NXPE2: variants seen among roughly 807,000 people sequenced by gnomAD.
The protein encoded by NXPE2 is neurexophilin and PC-esterase domain family member 2, also known as NXPE family member 2.
A neutral mutation model predicts 34.4 loss-of-function variants in NXPE2; 34 were observed. The observed-to-expected ratio is 0.99, with a 90% CI of 0.75 to 1.31. The LOEUF (loss-of-function observed/expected upper bound fraction) is 1.31. Ranked by LOEUF, NXPE2 falls within the 40% of genes most tolerant of loss-of-function variation. The pLI is 0.00. For synonymous variants in NXPE2, 235 were observed against 231.3 expected, an observed-to-expected ratio of 1.02 and a Z score of -0.15; for missense variants, 649 against 672.5, an observed-to-expected ratio of 0.97 and a Z score of 0.39.
the NXPE2 span, chr11:114,594,820 A>C: frequency 1.1e-6 from 1 of 939,496 alleles, no homozygotes; most frequent in Non-Finnish European, 1.7e-6. Context: ...CAAAACAGAA[A>C]AGCAAACAAA....
the NXPE2 span, among the ~76,000 whole-genome samples, chr11:114,467,242 A>G: frequency 6.6e-6 from 1 of 152,178 alleles, no homozygotes; most frequent in African/African-American, 2.4e-5. Flanking sequence ...GTATTTTTAT[A>G]CTGTGGTGGT....
At chr11:114,528,865 CT>C in the NXPE2 span, 1 of 647,432 alleles carries the variant, frequency 1.5e-6, no homozygotes. Context: ...TGTTTTCATC[CT>C]TACTAGGATT....
At chr11:114,475,337 G>A in the NXPE2 span, among the ~76,000 whole-genome samples, 7 of 139,174 alleles carry the variant, frequency 5.0e-5, no homozygotes, top group East Asian at 2.3e-4. Context: ...TCCGCCTCCC[G>A]GGTTCAAGTG....
the NXPE2 span, among the ~76,000 whole-genome samples, chr11:114,495,282 C>T: frequency 6.6e-6 from 1 of 151,984 alleles, no homozygotes; most frequent in Admixed American, 6.5e-5. Flanking sequence ...TCCAGCCAGG[C>T]TTACGTCCTT....
At chr11:114,639,489 T>C in the NXPE2 span, among the ~76,000 whole-genome samples, 9 of 151,588 alleles carry the variant, frequency 5.9e-5, no homozygotes, top group African/African-American at 1.9e-4. Flanking sequence ...CTGTGCCCAC[T>C]GTCTGGCACT....
chr11:114,632,197 T>G, the NXPE2 span, among the ~76,000 whole-genome samples: 1 of 141,786 alleles, frequency 7.1e-6, no homozygotes, highest in East Asian at 2.0e-4. Context: ...AATGATCATA[T>G]ATACATATTA....
the NXPE2 span, among the ~76,000 whole-genome samples, chr11:114,509,068 C>T: frequency 1.3e-5 from 2 of 152,090 alleles, no homozygotes; most frequent in African/African-American, 2.4e-5. Flanking sequence ...AAGAAAAAAT[C>T]AACCCCATTA....
chr11:114,755,358 T>C, the NXPE2 span, among the ~76,000 whole-genome samples: 1 of 152,228 alleles, frequency 6.6e-6, no homozygotes, highest in Non-Finnish European at 1.5e-5. Flanking sequence ...CTTCCACTGA[T>C]ATTTTTTCTT....
the NXPE2 span, among the ~76,000 whole-genome samples, chr11:114,536,064 G>T: frequency 6.6e-6 from 1 of 152,178 alleles, no homozygotes; most frequent in East Asian, 1.9e-4. Flanking sequence ...TAAAAGAACA[G>T]AAATTATAAC....
upstream of NXPE2, among the ~76,000 whole-genome samples, chr11:114,676,134 G>A (rs1950855750): frequency 6.6e-6 from 1 of 151,920 alleles, no homozygotes; most frequent in Non-Finnish European, 1.5e-5. Context: ...CATAGGACCT[G>A]AAACTGTAAA....
the NXPE2 span, among the ~76,000 whole-genome samples, chr11:114,722,136 G>A: frequency 2.0e-5 from 3 of 152,140 alleles, no homozygotes; most frequent in Non-Finnish European, 2.9e-5. Context: ...GTTTGACTCT[G>A]TGTCCCCACC....
At chr11:114,805,701 T>C in the NXPE2 span, among the ~76,000 whole-genome samples, 11 of 152,166 alleles carry the variant, frequency 7.2e-5, no homozygotes, top group African/African-American at 2.7e-4. Flanking sequence ...GCCGGGAAGC[T>C]TGAACTGGGT....
chr11:114,513,159 A>G, the NXPE2 span: 1 of 553,738 alleles, frequency 1.8e-6, no homozygotes, highest in Non-Finnish European at 3.6e-6. Context: ...TCCCTGCCAT[A>G]TTGCTTCCTA....
the NXPE2 span, among the ~76,000 whole-genome samples, chr11:114,756,115 T>A: frequency 1.3e-5 from 2 of 152,250 alleles, no homozygotes; most frequent in Non-Finnish European, 2.9e-5. Context: ...GATAGTTACC[T>A]CTTTCTTCCT....
the NXPE2 span, among the ~76,000 whole-genome samples, chr11:114,621,024 C>T: frequency 6.6e-6 from 1 of 152,308 alleles, no homozygotes; most frequent in East Asian, 1.9e-4. Context: ...TGGTTGACCA[C>T]TGTTACGCAG....
the NXPE2 span, among the ~76,000 whole-genome samples, chr11:114,547,420 G>T: frequency 1.3e-5 from 2 of 152,192 alleles, no homozygotes; most frequent in African/African-American, 4.8e-5. Context: ...AACAAGGAAA[G>T]TCTAAAGAGA....
chr11:114,723,291 C>T, the NXPE2 span, among the ~76,000 whole-genome samples: 726 of 151,024 alleles, frequency 4.8e-3, 4 homozygotes, highest in African/African-American at 0.016. Flanking sequence ...GAAAAATTTA[C>T]AAGGAAAGAG....
the NXPE2 span, among the ~76,000 whole-genome samples, chr11:114,638,511 A>G: frequency 1.3e-5 from 2 of 152,020 alleles, no homozygotes; most frequent in African/African-American, 2.4e-5. Context: ...CTGGTGAGGA[A>G]CTGTGTTCCT....
At chr11:114,800,891 CTGT>C in the NXPE2 span, among the ~76,000 whole-genome samples, 1 of 152,182 alleles carries the variant, frequency 6.6e-6, no homozygotes, top group African/African-American at 2.4e-5. Flanking sequence ...ATTGTTGCTG[CTGT>C]TGTTGCTACT....
Sources: allele counts gnomAD v4.1 joint callset (sites outside exome capture counted in the v4.1 genomes callset), GRCh38; gene constraint gnomAD v4.1.1; transcripts MANE v1.5; gene names NCBI Gene and HGNC (gene_info 2026-07-23, HGNC 2026-07-21).